The following ATP8B4 variants were observed in gnomAD, a reference collection of about 807,000 sequenced individuals.
The protein encoded by ATP8B4 is probable phospholipid-transporting ATPase IM.
In ATP8B4, 133 loss-of-function variants were observed where a neutral mutation model predicts 145.6. That is an observed-to-expected ratio of 0.91 (90% CI 0.79 to 1.05). ATP8B4 has a LOEUF of 1.05. Ranked by LOEUF, ATP8B4 falls within the 50% of genes least tolerant of loss-of-function variation. The pLI, the probability that ATP8B4 is intolerant of heterozygous loss-of-function variation, is 0.00. For missense variants in ATP8B4, 1,458 were observed against 1,425.2 expected, an observed-to-expected ratio of 1.02 and a Z score of -0.37; for synonymous variants, 507 against 492.9, an observed-to-expected ratio of 1.03 and a Z score of -0.38.
chr15:50,036,247 C>T (rs935795118), intron 6 of ATP8B4, among the ~76,000 whole-genome samples: 4 of 152,106 alleles, frequency 2.6e-5, no homozygotes, highest in Non-Finnish European at 5.9e-5. Context: ...CAAGCAAGAG[C>T]GTGATTGCAG....
intron 1 of ATP8B4, among the ~76,000 whole-genome samples, chr15:50,128,403 G>T (rs1567398571): frequency 1.3e-5 from 2 of 152,248 alleles, no homozygotes; most frequent in Non-Finnish European, 2.9e-5. Flanking sequence ...GAGGAGAAAG[G>T]TGGCTGCAGA....
In ATP8B4 at chr15:49,920,331, T is replaced by C. The variant is rs777603804; in HGVS notation, c.1838A>G (p.Lys613Arg). 3 of 1,614,120 alleles carry C rather than the reference T, an allele frequency of 1.9e-6. No individual in the cohort carries two copies. Among genetic ancestry groups the C allele is most frequent in the South Asian group, 2.2e-5 (2 of 91,086 alleles). The change falls in exon 18 of 28, where the codon AAG becomes AGG. Residue 613 changes from lysine to arginine, a missense_variant. Coordinates refer to ENST00000284509, the MANE Select transcript of ATP8B4 (RefSeq NM_024837.4). ...LDDKYFKEWH[K>R]MLEDANAATE... ...GGCAGCATTCGCATCTTCAAGCATC[T>C]TATGCCACTCTTTAAAGTACTTGTC...
intron 1 of ATP8B4, among the ~76,000 whole-genome samples, chr15:50,116,890 T>A (rs1448786730): frequency 6.6e-6 from 1 of 152,106 alleles, no homozygotes; most frequent in Non-Finnish European, 1.5e-5. Context: ...AATATTTAAT[T>A]AGAATTTATT....
intron 1 of ATP8B4, among the ~76,000 whole-genome samples, chr15:50,172,997 C>T (rs1262807059): frequency 6.7e-6 from 1 of 149,940 alleles, no homozygotes; most frequent in African/African-American, 2.5e-5. Context: ...GCCAGCCGCC[C>T]CGTCCGGGAG....
chr15:50,169,277 T>C (rs1009759892), intron 1 of ATP8B4, among the ~76,000 whole-genome samples: 10 of 150,884 alleles, frequency 6.6e-5, no homozygotes, highest in African/African-American at 9.8e-5. Flanking sequence ...ATGGAGTCCA[T>C]TGCAGCCTCC....
chr15:50,140,665 T>C lies in ATP8B4; in HGVS notation c.-42-33657A>G, dbSNP rs1300162367. ...TCCTGGATTCAAAATATACAAAGAATGAATAACACACCATGCTTCTCTGGG... is the reference window on the plus strand; with the variant it reads ...TCCTGGATTCAAAATATACAAAGAACGAATAACACACCATGCTTCTCTGGG... On this transcript the variant is annotated intron_variant, in intron 1 of 3. Coordinates refer to the ATP8B4 transcript ENST00000558829. 8.0e-4 allele frequency among the ~76,000 whole-genome samples: 3 copies of C among 3,762 alleles called. No homozygotes were observed. In the Non-Finnish European group the frequency reaches 0.023, roughly 29 times the overall value. 2.5% of individuals were successfully genotyped at this position (3,762 alleles called of 152,430 possible).
At chr15:49,954,495 T>C (rs931688234) in intron 14 of ATP8B4, among the ~76,000 whole-genome samples, 3 of 152,024 alleles carry the variant, frequency 2.0e-5, no homozygotes, top group Non-Finnish European at 4.4e-5. Context: ...AAAAAATGAA[T>C]ATTCCTACTA....
At chr15:49,891,908 G>T (rs758214609) in intron 23 of ATP8B4, among the ~76,000 whole-genome samples, 25 of 152,048 alleles carry the variant, frequency 1.6e-4, no homozygotes, top group Non-Finnish European at 3.2e-4. Flanking sequence ...GAGGTCAGGA[G>T]ATTGAGACCA....
chr15:50,093,852 G>C (rs2055776087), intron 2 of ATP8B4, among the ~76,000 whole-genome samples: 2 of 152,092 alleles, frequency 1.3e-5, no homozygotes, highest in African/African-American at 2.4e-5. Context: ...ACTCATATCA[G>C]ATAAATTAAA....
intron 1 of ATP8B4, among the ~76,000 whole-genome samples, chr15:50,156,654 G>A (rs12907171): frequency 6.6e-6 from 1 of 151,888 alleles, no homozygotes; most frequent in East Asian, 1.9e-4. Context: ...GATTTTTTAG[G>A]TTCAAATAAT....
chr15:50,103,375 C>T (rs748991561), intron 2 of ATP8B4, among the ~76,000 whole-genome samples: 20 of 151,990 alleles, frequency 1.3e-4, no homozygotes, highest in South Asian at 4.1e-4. Context: ...CTCCTAGAAA[C>T]GGTAAATGAA....
At chr15:49,946,642 C>T (rs1380799609) in intron 14 of ATP8B4, among the ~76,000 whole-genome samples, 2 of 151,690 alleles carry the variant, frequency 1.3e-5, no homozygotes, top group African/African-American at 4.8e-5. Flanking sequence ...CTCTTCCTTC[C>T]TGTTTCTTGC....
In ATP8B4 at chr15:49,859,416, GA is replaced by G. The variant is rs1394414226; in HGVS notation, c.*777del. The G allele has an allele frequency of 1.0e-3, 152 of 152,254 alleles. No homozygotes were observed. The highest frequency in any genetic ancestry group is 3.4e-3 in the Middle Eastern group (1 of 294). 9.4% of individuals were successfully genotyped at this position (152,254 alleles called of 1,614,324 possible). ...GGATGATGCTCAGCAAATTACTACT[GA>G]GGTTGTTAGAAAAGCCATTGAAAAG... On this transcript the variant is annotated 3_prime_UTR_variant, in exon 28 of 28. Coordinates refer to ENST00000284509, the MANE Select transcript of ATP8B4 (RefSeq NM_024837.4).
At chr15:49,962,072 T>C in intron 13 of ATP8B4, 52 bp from the exon 14 acceptor site, 1 of 1,385,728 alleles carries the variant, frequency 7.2e-7, no homozygotes, top group South Asian at 1.3e-5. Context: ...AAATTAGAAT[T>C]AGACATTTAG....
At chr15:49,886,832 C>T (rs1347453879) in intron 23 of ATP8B4, among the ~76,000 whole-genome samples, 1 of 148,960 alleles carries the variant, frequency 6.7e-6, no homozygotes, top group African/African-American at 2.5e-5. Flanking sequence ...TTTTTTGAGA[C>T]AGAGTTTCAC....
intron 1 of ATP8B4, among the ~76,000 whole-genome samples, chr15:50,136,927 T>C (rs1440777318): frequency 1.3e-5 from 2 of 152,152 alleles, no homozygotes; most frequent in African/African-American, 4.8e-5. Flanking sequence ...ATACATATGA[T>C]TTTATTATTA....
At chr15:49,920,155 T>C (rs977323837) in intron 18 of ATP8B4, 91 bp downstream of exon 18, 13 of 1,462,806 alleles carry the variant, frequency 8.9e-6, no homozygotes, top group South Asian at 2.6e-5. Flanking sequence ...GTGTGCAAGA[T>C]GACTTAGCCA....
intron 1 of ATP8B4, among the ~76,000 whole-genome samples, chr15:50,163,555 C>T (rs966391610): frequency 2.0e-5 from 3 of 152,174 alleles, no homozygotes; most frequent in African/African-American, 7.2e-5. Flanking sequence ...TGGCCACCAC[C>T]ACAGAGACTG....
intron 20 of ATP8B4, among the ~76,000 whole-genome samples, chr15:49,910,564 T>C (rs1008663432): frequency 1.3e-5 from 2 of 152,106 alleles, no homozygotes; most frequent in Non-Finnish European, 2.9e-5. Context: ...CTGTCTAAAG[T>C]CAATGACAAT....
Sources: gnomAD v4.1 joint callset for allele counts (sites outside exome capture counted in the v4.1 genomes callset) on GRCh38, gnomAD v4.1.1 for gene constraint, MANE v1.5 for transcripts, NCBI Gene and HGNC (gene_info 2026-07-23, HGNC 2026-07-21) for gene names.